Variants in CORIN observed in about 807,000 individuals in gnomAD.
CORIN encodes corin, serine peptidase.
A neutral mutation model predicts 125.3 loss-of-function variants in CORIN; 117 were observed. The ratio of observed to expected loss-of-function variants is 0.93; its 90% confidence interval spans 0.80 to 1.09. The LOEUF (loss-of-function observed/expected upper bound fraction) is 1.09, where lower values mean the gene tolerates loss of function less well. Ranked by LOEUF, CORIN falls within the 50% of genes least tolerant of loss-of-function variation. The pLI is 0.00. For synonymous variants in CORIN, 450 were observed against 466.4 expected, an observed-to-expected ratio of 0.96 and a Z score of 0.45; for missense variants, 1,253 against 1,306.7, an observed-to-expected ratio of 0.96 and a Z score of 0.63.
intron 10 of CORIN, among the ~76,000 whole-genome samples, chr4:47,670,557 A>G (rs73142032): frequency 0.039 from 5,981 of 152,312 alleles, 347 homozygotes; most frequent in African/African-American, 0.13. Flanking sequence ...GTGTTGAATA[A>G]GAGGGGAAAA....
intron 1 of CORIN, among the ~76,000 whole-genome samples, chr4:47,816,135 A>C (rs556117428): frequency 2.6e-5 from 4 of 152,240 alleles, no homozygotes; most frequent in Non-Finnish European, 5.9e-5. Flanking sequence ...CAGGCATTTC[A>C]ATGCAAAGTA....
At chr4:47,637,011 T>C (rs1385411968) in intron 16 of CORIN, among the ~76,000 whole-genome samples, 2 of 152,202 alleles carry the variant, frequency 1.3e-5, no homozygotes, top group African/African-American at 4.8e-5. Flanking sequence ...AAAATGCTGA[T>C]AGCGATATGG....
At chr4:47,634,034 G>A (rs77553874) in intron 16 of CORIN, among the ~76,000 whole-genome samples, 4,677 of 151,874 alleles carry the variant, frequency 0.031, 232 homozygotes, top group African/African-American at 0.11. Flanking sequence ...CTAAAAAATC[G>A]GCATTTTAAA....
intron 16 of CORIN, among the ~76,000 whole-genome samples, chr4:47,627,623 C>T (rs12504395): frequency 0.26 from 39,636 of 151,856 alleles, 5,395 homozygotes; most frequent in Admixed American, 0.35. Flanking sequence ...AAAATGAATC[C>T]GGCTCTCCAT....
chr4:47,723,217 A>G (rs1211168388), intron 5 of CORIN, among the ~76,000 whole-genome samples: 3 of 152,204 alleles, frequency 2.0e-5, no homozygotes, highest in Non-Finnish European at 4.4e-5. Context: ...GCAAAAGGCT[A>G]AAACTAGAGC....
intron 17 of CORIN, 118 bp from the exon 18 acceptor site, chr4:47,624,066 C>G: frequency 8.5e-6 from 7 of 819,998 alleles, no homozygotes. Context: ...ATCACATTCT[C>G]TGAGCATTTC....
intron 5 of CORIN, among the ~76,000 whole-genome samples, chr4:47,715,979 A>G (rs762059913): frequency 1.3e-5 from 2 of 152,196 alleles, no homozygotes; most frequent in Non-Finnish European, 2.9e-5. Flanking sequence ...CCTCCCTAAG[A>G]GAAAGGGAAG....
At chr4:47,652,751 G>C (rs186412942) in intron 13 of CORIN, 4 of 152,252 alleles carry the variant, frequency 2.6e-5, no homozygotes, top group African/African-American at 7.2e-5. Flanking sequence ...AAAAATATGA[G>C]AGGACATGAA....
intron 19 of CORIN, among the ~76,000 whole-genome samples, chr4:47,605,079 C>T (rs1447619847): frequency 1.3e-5 from 2 of 152,116 alleles, no homozygotes; most frequent in African/African-American, 4.8e-5. Context: ...CCTACCATTA[C>T]TCCTTCTCTT....
intron 7 of CORIN, chr4:47,681,808 A>C (rs532677625): frequency 2.6e-5 from 4 of 152,314 alleles, no homozygotes; most frequent in Admixed American, 6.5e-5. Context: ...ACCCAAAGGA[A>C]AGGAAATCAG....
chr4:47,718,694 G>C (rs1173247166), intron 5 of CORIN, among the ~76,000 whole-genome samples: 1 of 152,128 alleles, frequency 6.6e-6, no homozygotes, highest in Admixed American at 6.5e-5. Flanking sequence ...CAGTTTTCCT[G>C]AATTCATGCA....
chr4:47,687,090 G>A (rs1174872667), intron 6 of CORIN, among the ~76,000 whole-genome samples: 1 of 152,154 alleles, frequency 6.6e-6, no homozygotes, highest in Non-Finnish European at 1.5e-5. Flanking sequence ...CCCAGGTGTG[G>A]ATTCAACTTT....
chr4:47,802,332 G>T (rs1731580786), intron 2 of CORIN, among the ~76,000 whole-genome samples: 1 of 152,192 alleles, frequency 6.6e-6, no homozygotes, highest in African/African-American at 2.4e-5. Context: ...CTAGGCCTAG[G>T]CTCTTGGTTA....
chr4:47,655,844 C>G (rs1213771011), intron 12 of CORIN, among the ~76,000 whole-genome samples: 1 of 135,250 alleles, frequency 7.4e-6, no homozygotes, highest in Non-Finnish European at 1.6e-5. Context: ...AAAAGTCTTT[C>G]AGCAGAAAAA....
At chr4:47,652,710 C>T (rs1444597074) in intron 13 of CORIN, 1 of 152,066 alleles carries the variant, frequency 6.6e-6, no homozygotes, top group Non-Finnish European at 1.5e-5. Context: ...GCAGAAATGT[C>T]AAGAAGAGTT....
At chr4:47,671,073 C>A (rs1403581411) in intron 10 of CORIN, among the ~76,000 whole-genome samples, 1 of 152,172 alleles carries the variant, frequency 6.6e-6, no homozygotes, top group African/African-American at 2.4e-5. Context: ...TTCTCACATA[C>A]CCCTGCAGCC....
At chr4:47,615,791 T>C (rs1375469167) in intron 19 of CORIN, among the ~76,000 whole-genome samples, 1 of 152,112 alleles carries the variant, frequency 6.6e-6, no homozygotes, top group Non-Finnish European at 1.5e-5. Flanking sequence ...TCACCCAGCT[T>C]GTGATACTTT....
intron 12 of CORIN, among the ~76,000 whole-genome samples, chr4:47,656,796 G>T (rs1443014309): frequency 2.6e-5 from 4 of 152,142 alleles, no homozygotes; most frequent in Non-Finnish European, 5.9e-5. Context: ...AGTCATAAAA[G>T]AGAAAGAAAT....
intron 19 of CORIN, among the ~76,000 whole-genome samples, chr4:47,614,651 ACT>A (rs1342355387): frequency 3.9e-5 from 6 of 152,302 alleles, no homozygotes; most frequent in African/African-American, 1.4e-4. Context: ...GAGATCACTG[ACT>A]CTCTGTAGAA....
Sources: allele counts gnomAD v4.1 joint callset (sites outside exome capture counted in the v4.1 genomes callset), GRCh38; gene constraint gnomAD v4.1.1; transcripts MANE v1.5; gene names NCBI Gene and HGNC (gene_info 2026-07-23, HGNC 2026-07-21).